Variants in AMPD1 observed in about 807,000 individuals in gnomAD.
AMPD1 encodes the protein AMP deaminase 1.
AMPD1 carries 74 observed loss-of-function variants against 82.9 expected under a neutral mutation model. That is an observed-to-expected ratio of 0.89 (90% CI 0.74 to 1.08). AMPD1 has a LOEUF of 1.08. AMPD1 is among the 50% of genes least tolerant of loss of function. The pLI is 0.00. For missense variants in AMPD1, 881 were observed against 924.5 expected, an observed-to-expected ratio of 0.95 and a Z score of 0.61; for synonymous variants, 333 against 320.5, an observed-to-expected ratio of 1.04 and a Z score of -0.42.
rs6701394 is a variant in AMPD1, at chr1:114,674,182, C to A, written c.1801-100G>T. ...GTCTGCCTTAAGCTTCAGCTTTCAA[C>A]AAAATTATCACTTGTTCTTCAAGTC... On this transcript the variant is annotated intron_variant, in intron 13 of 15. Transcript: ENST00000520113. 6,032 of 1,084,448 alleles carry A rather than the reference C, an allele frequency of 5.6e-3. 252 individuals are homozygous for A. The African/African-American group carries it at 0.085, about 15-fold the overall frequency. 67.2% of individuals were successfully genotyped at this position (1,084,448 alleles called of 1,614,324 possible). A position where few individuals can be genotyped will look rare whatever the true frequency, so the allele number is the denominator to read the frequency against.
chr1:114,682,723 C>T (rs374083491), intron 5 of AMPD1, among the ~76,000 whole-genome samples: 10 of 152,102 alleles, frequency 6.6e-5, no homozygotes, highest in Admixed American at 1.3e-4. Context: ...GGACTACAGG[C>T]GCCCGCCACC....
At chr1:114,680,904 G>A (rs1055792280) in intron 5 of AMPD1, among the ~76,000 whole-genome samples, 1 of 152,200 alleles carries the variant, frequency 6.6e-6, no homozygotes, top group Non-Finnish European at 1.5e-5. Context: ...GGAGGCATAC[G>A]TTGCAGTGAG....
At chr1:114,674,941 A>G (rs914820123) in intron 12 of AMPD1, 69 bp from the exon 13 acceptor site, 8 of 1,591,788 alleles carry the variant, frequency 5.0e-6, no homozygotes, top group Non-Finnish European at 6.9e-6. Flanking sequence ...AAAATTCAGT[A>G]GAAAAGTGAA....
chr1:114,684,364 C>G lies in AMPD1; in HGVS notation c.382G>C (p.Val128Leu). The change falls in exon 5 of 16, where the codon GTT (valine) becomes CTT (leucine). Residue 128 changes from valine (V) to leucine (L), a missense_variant and splice_region_variant. By Grantham distance (32) the Val-to-Leu change is conservative. Coordinates refer to ENST00000520113, the MANE Select transcript of AMPD1 (RefSeq NM_000036.3). ...VQITGDYASG[V>L]TVEDFEIVCK... ...ACAATTTCAAAATCTTCAACTGTAACCTGCCAAAAAAAAAAAAGTCAGCAT... is the reference window on the plus strand; with the variant it reads ...ACAATTTCAAAATCTTCAACTGTAAGCTGCCAAAAAAAAAAAAGTCAGCAT... 1 of 1,612,002 alleles carries G rather than the reference C, an allele frequency of 6.2e-7. No homozygotes were observed. Among genetic ancestry groups the G allele is most frequent in the South Asian group, 1.1e-5 (1 of 90,888 alleles).
Position 114,673,698 on chromosome 1 carries a change from T to C in AMPD1, c.2026A>G (p.Thr676Ala). 1 of 1,614,124 alleles carries C rather than the reference T, an allele frequency of 6.2e-7. No individual in the cohort carries two copies. Among genetic ancestry groups the C allele is most frequent in the Non-Finnish European group, 8.5e-7 (1 of 1,180,008 alleles). The stretch of plus-strand genomic sequence containing the variant: ...CTTGCCACTTCGCACATATCACAGG[T>C]GCTCAGCTTGAAGACTTGTGCAGCA... Reference protein sequence around the residue: ...AIAAQVFKLSTCDMCEVARNS... With the variant: ...AIAAQVFKLSACDMCEVARNS... Residue 676 changes from threonine (T) to alanine (A), a missense_variant, in exon 15 of 16, where the codon ACC becomes GCC. Coordinates refer to ENST00000520113, the MANE Select transcript of AMPD1 (RefSeq NM_000036.3).
rs374681411 is a variant in AMPD1 at position 114,684,242 on chromosome 1, G to A, written c.504C>T (p.Asn168=). 43 of 1,613,998 alleles carry A rather than the reference G, an allele frequency of 2.7e-5. No homozygotes were observed. The highest frequency in any genetic ancestry group is 3.6e-5 in the Non-Finnish European group (42 of 1,180,036). The part of the protein sequence containing the change: ...FPKTPSKYLR[N]IDGEAWVANE... ...TTGCTACCCAAGCCTCACCATCAAT[G>A]TTCCGCAAGTATTTGGAAGGGGTTT... Residue 168 remains asparagine (N), a synonymous_variant, in exon 5 of 16, where the codon AAC becomes AAT. Coordinates refer to ENST00000520113, the MANE Select transcript of AMPD1 (RefSeq NM_000036.3).
chr1:114,682,002 A>G (rs968818637), intron 5 of AMPD1, among the ~76,000 whole-genome samples: 5 of 152,170 alleles, frequency 3.3e-5, no homozygotes, highest in Admixed American at 6.6e-5. Flanking sequence ...GGAACTGAGA[A>G]GAGATTAAGT....
Position 114,684,182 on chromosome 1 carries a change from T to C in AMPD1, c.547+17A>G. The C allele has an allele frequency of 6.2e-7, 1 of 1,612,858 alleles. No homozygotes were observed. Among genetic ancestry groups the C allele is most frequent in the Non-Finnish European group, 8.5e-7 (1 of 1,178,820 alleles). ...TAAATAAAATATGTTTCATACATTATGTAAGAGAATTGTTACCTGGATAGA... is the reference window on the plus strand; with the variant it reads ...TAAATAAAATATGTTTCATACATTACGTAAGAGAATTGTTACCTGGATAGA... On this transcript the variant is annotated intron_variant, in intron 5 of 15. Coordinates refer to ENST00000520113, the MANE Select transcript of AMPD1 (RefSeq NM_000036.3).
chr1:114,680,062 G>T (rs2101716269), intron 6 of AMPD1, among the ~76,000 whole-genome samples, 197 bp downstream of exon 6: 1 of 152,322 alleles, frequency 6.6e-6, no homozygotes, highest in East Asian at 1.9e-4. Context: ...CATAAAACTG[G>T]AATTATGAAA....
In AMPD1 at chr1:114,688,620, A is replaced by G. The variant is rs140636373; in HGVS notation, c.156T>C (p.His52=). 8 of 1,613,840 alleles carry G rather than the reference A, an allele frequency of 5.0e-6. No individual in the cohort carries two copies. The highest frequency in any genetic ancestry group is 5.9e-6 in the Non-Finnish European group (7 of 1,179,806). Residue 52 remains histidine, a synonymous_variant, in exon 3 of 16, where the codon CAT becomes CAC. Coordinates refer to ENST00000520113, the MANE Select transcript of AMPD1 (RefSeq NM_000036.3). The part of the protein sequence containing the change: ...DVDEICPISH[H]EMQAHIFHLE... ...GATGGAATATGTGTGCTTGCATCTC[A>G]TGATGAGAAATCGGACAGATCTCAT...
rs140181682 is a variant in AMPD1, at chr1:114,675,639, A to T, written c.1570T>A (p.Ser524Thr). ...TCCTGGGGCTTGGGACTCTTGGAGGAGAACATGTGGCCACTGTGTTTGGAC... is the reference window on the plus strand; with the variant it reads ...TCCTGGGGCTTGGGACTCTTGGAGGTGAACATGTGGCCACTGTGTTTGGAC... ...DESKHSGHMF[S>T]SKSPKPQEWT... is the part of the protein sequence containing the mutation. The change falls in exon 12 of 16, where the codon TCC becomes ACC. Residue 524 changes from serine to threonine, a missense_variant. Coordinates refer to ENST00000520113, the MANE Select transcript of AMPD1 (RefSeq NM_000036.3). The T allele has an allele frequency of 5.4e-4, 871 of 1,614,204 alleles. No individual in the cohort carries two copies. Among genetic ancestry groups the T allele is most frequent in the Non-Finnish European group, 4.6e-4 (547 of 1,180,022 alleles).
chr1:114,676,497 T>C (rs1657984723), intron 10 of AMPD1, among the ~76,000 whole-genome samples: 1 of 152,192 alleles, frequency 6.6e-6, no homozygotes, highest in Non-Finnish European at 1.5e-5. Context: ...TTTTTAACCT[T>C]GTTTTAGAGA....
chr1:114,673,513 C>T (rs1657891998), intron 15 of AMPD1, 126 bp downstream of exon 15: 3 of 904,688 alleles, frequency 3.3e-6, no homozygotes, highest in East Asian at 2.5e-5. Context: ...CCTTCTAGTC[C>T]CTGTCCATAG....
chr1:114,682,308 A>G (rs1298481079), intron 5 of AMPD1, among the ~76,000 whole-genome samples: 2 of 152,202 alleles, frequency 1.3e-5, no homozygotes, highest in Non-Finnish European at 2.9e-5. Flanking sequence ...TTACTACAAT[A>G]TTTGTTACTA....
At chr1:114,673,419 G>T in intron 15 of AMPD1, 147 bp from the exon 16 acceptor site, 1 of 1,034,062 alleles carries the variant, frequency 9.7e-7, no homozygotes, top group Non-Finnish European at 1.4e-6. Context: ...CCCATCTAGT[G>T]CCTCAGTGTT....
Position 114,680,356 on chromosome 1 carries a change from C to G in AMPD1, c.670G>C (p.Val224Leu). Reference sequence around the variant, plus strand: ...AGTGGCTTAGGCTCATCTTTGCTGACTGCTGCTTCATTAGGATAGACGTAA... The same window carrying G: ...AGTGGCTTAGGCTCATCTTTGCTGAGTGCTGCTTCATTAGGATAGACGTAA... ...VVYVYPNEAA[V>L]SKDEPKPLPY... Residue 224 changes from valine (V) to leucine (L), a missense_variant, in exon 6 of 16, where the codon GTC becomes CTC. Physicochemically the swap from Val to Leu is conservative, Grantham distance 32. This residue lies in a region of AMPD1 where 783 missense variants were observed against 786.4 expected (regional missense o/e 1.00). Transcript: ENST00000520113. 1 of 1,614,180 alleles carries G rather than the reference C, an allele frequency of 6.2e-7. No individual in the cohort carries two copies. Among genetic ancestry groups the G allele is most frequent in the Non-Finnish European group, 8.5e-7 (1 of 1,180,036 alleles).
At position 114,680,535 on chromosome 1, in the gene AMPD1, A is replaced by G; in HGVS notation, c.548-57T>C. On this transcript the variant is annotated intron_variant, in intron 5 of 15. Coordinates refer to ENST00000520113, the MANE Select transcript of AMPD1 (RefSeq NM_000036.3). ...GCACATAGGATGAACGACCACATAA[A>G]AATAACCAAAATGTGAAATACTACA... The G allele has an allele frequency of 3.5e-6, 5 of 1,444,968 alleles. 1 individual carries two copies. The highest frequency in any genetic ancestry group is 4.9e-6 in the Non-Finnish European group (5 of 1,026,914). The allele number at this position is 1,444,968 out of a possible 1,614,324, so 89.5% of individuals were successfully genotyped here.
intron 2 of AMPD1, among the ~76,000 whole-genome samples, chr1:114,691,177 A>G (rs1274814806): frequency 6.6e-6 from 1 of 152,208 alleles, no homozygotes; most frequent in Admixed American, 6.5e-5. Context: ...ATTTCCTTCC[A>G]CTGAAGCAAC....
chr1:114,674,433 A>G (rs1657922671), intron 13 of AMPD1, among the ~76,000 whole-genome samples: 2 of 152,304 alleles, frequency 1.3e-5, no homozygotes, highest in Non-Finnish European at 1.5e-5. Flanking sequence ...AAACATCTTG[A>G]AGCATGCTAT....
Sources: gnomAD v4.1 joint callset for allele counts (sites outside exome capture counted in the v4.1 genomes callset) on GRCh38, gnomAD v4.1.1 for gene constraint, gnomAD v4.1.1 regional missense constraint, MANE v1.5 for transcripts, NCBI Gene and HGNC (gene_info 2026-07-23, HGNC 2026-07-21) for gene names.